AKIP1: variants seen among roughly 807,000 people sequenced by gnomAD.
AKIP1 encodes A-kinase interacting protein 1.
Under a neutral mutation model 22.3 loss-of-function variants are expected in AKIP1, and 18 were observed. That is an observed-to-expected ratio of 0.81 (90% CI 0.56 to 1.19). AKIP1 has a LOEUF of 1.19. Among genes scored for constraint, AKIP1 ranks in the 50% most tolerant of loss-of-function variants. The pLI, the probability that AKIP1 is intolerant of heterozygous loss-of-function variation, is 0.00. For synonymous variants in AKIP1, 120 were observed against 102.7 expected (o/e 1.17, Z -1.02); for missense variants, 287 against 264.6 (o/e 1.08, Z -0.59).
intron 1 of AKIP1, 68 bp from the exon 2 acceptor site, chr11:8,911,376 C>T (rs2064338211): frequency 1.4e-6 from 2 of 1,414,744 alleles, no homozygotes; most frequent in Non-Finnish European, 1.9e-6. Context: ...GGCTCCCACC[C>T]GGATTTGGAG....
At position 8,914,841 on chromosome 11, in the gene AKIP1, G is replaced by C. The variant is rs889524655; in HGVS notation, c.319G>C (p.Val107Leu). ...SSQCGKYYSS[V>L]PEEGGATHVY... The stretch of plus-strand genomic sequence containing the variant: ...ACGTCTCTAGAAATATTATTCATCT[G>C]TGCCAGAGGAAGGAGGGGCAACCCA... Residue 107 changes from valine (V) to leucine (L), a missense_variant, in exon 4 of 6, where the codon GTG becomes CTG. By Grantham distance (32) the Val-to-Leu change is conservative. Transcript: ENST00000309377. 9 of 1,612,682 alleles carry C rather than the reference G, an allele frequency of 5.6e-6. No homozygotes were observed. Among genetic ancestry groups the C allele is most frequent in the Non-Finnish European group, 5.1e-6 (6 of 1,178,946 alleles).
intron 3 of AKIP1, 62 bp from the exon 4 acceptor site, chr11:8,914,764 G>A (rs985194588): frequency 1.5e-6 from 2 of 1,343,850 alleles, no homozygotes; most frequent in African/African-American, 1.4e-5. Context: ...CAAATATCAG[G>A]GTTTTTTGAA....
intron 3 of AKIP1, among the ~76,000 whole-genome samples, chr11:8,914,085 C>G (rs1052961653): frequency 7.2e-5 from 11 of 152,216 alleles, no homozygotes; most frequent in Non-Finnish European, 1.3e-4. Context: ...TAAAACACAT[C>G]TTTAGGTCTG....
At chr11:8,919,298 T>A (rs2064537821) in intron 5 of AKIP1, 39 bp from the exon 6 acceptor site, 1 of 1,593,802 alleles carries the variant, frequency 6.3e-7, no homozygotes. Context: ...CACTGGGGTA[T>A]AAAATCTCTA....
Position 8,915,776 on chromosome 11 carries a change from C to T in AKIP1, c.408+846C>T, listed in dbSNP as rs1253579979. On this transcript the variant is annotated intron_variant, in intron 4 of 5. Coordinates refer to ENST00000309377, the MANE Select transcript of AKIP1 (RefSeq NM_020642.4). Reference sequence around the variant, plus strand: ...TCAGCCTCCCAAGTAGCTGGGACTACGTGCACACACCACCAGCCCAGCTAA... The same window carrying T: ...TCAGCCTCCCAAGTAGCTGGGACTATGTGCACACACCACCAGCCCAGCTAA... 3.3e-5 allele frequency among the ~76,000 whole-genome samples: 5 copies of T among 150,750 alleles called. No individual in the cohort carries two copies. The East Asian group carries it at 5.8e-4, about 18-fold the overall frequency.
chr11:8,913,719 A>C (rs1432592477), intron 3 of AKIP1, among the ~76,000 whole-genome samples: 2 of 152,010 alleles, frequency 1.3e-5, no homozygotes, highest in East Asian at 3.9e-4. Flanking sequence ...ATCTCAAAAA[A>C]CTCTAATCTT....
chr11:8,911,794 C>A (rs2064360516), intron 2 of AKIP1, 123 bp downstream of exon 2: 3 of 986,266 alleles, frequency 3.0e-6, no homozygotes, highest in Non-Finnish European at 4.3e-6. Context: ...TGGAAAGGAT[C>A]AGAACAATGA....
At chr11:8,911,704 C>G in intron 2 of AKIP1, 33 bp downstream of exon 2, 1 of 1,469,010 alleles carries the variant, frequency 6.8e-7, no homozygotes, top group Non-Finnish European at 9.0e-7. Context: ...CCGCCCCAGT[C>G]CTTCGCGCCG....
At position 8,915,358 on chromosome 11, in the gene AKIP1, CTTTTTT is replaced by C. The variant is rs559350653; in HGVS notation, c.408+446_408+451del. On this transcript the variant is annotated intron_variant, in intron 4 of 5. Transcript: ENST00000309377. ...CATCTAGGGATAGGATTTTTTTTTT[CTTTTTT>C]TTTTTTTTTTTTTTTTTGAGACAGG... Among the ~76,000 whole-genome samples the C allele has an allele frequency of 5.5e-4, 46 of 83,980 alleles. 1 individual carries two copies. Among genetic ancestry groups the C allele is most frequent in the African/African-American group, 1.9e-3 (43 of 22,236 alleles). 55.1% of individuals were successfully genotyped at this position (83,980 alleles called of 152,430 possible). A position where few individuals can be genotyped will look rare whatever the true frequency, so the allele number is the denominator to read the frequency against.
chr11:8,919,293 G>A (rs1264630853), intron 5 of AKIP1, 44 bp from the exon 6 acceptor site: 1 of 1,583,652 alleles, frequency 6.3e-7, no homozygotes, highest in African/African-American at 1.4e-5. Context: ...GGTGGCACTG[G>A]GGTATAAAAT....
chr11:8,919,377 C>T lies in AKIP1; in HGVS notation c.530C>T (p.Pro177Leu), dbSNP rs746236246. 37 of 1,613,982 alleles carry T rather than the reference C, an allele frequency of 2.3e-5. No individual in the cohort carries two copies. The highest frequency in any genetic ancestry group is 3.1e-5 in the Non-Finnish European group (37 of 1,179,970). ...AAGGACCTCTACATAGAAGTATATCCAGGGACCTATTCTGTCACTGTGGGC... is the reference window on the plus strand; with the variant it reads ...AAGGACCTCTACATAGAAGTATATCTAGGGACCTATTCTGTCACTGTGGGC... ...ISKDLYIEVYPGTYSVTVGSN... is the reference protein window; with the variant it reads ...ISKDLYIEVYLGTYSVTVGSN... The change falls in exon 6 of 6, where the codon CCA (proline) becomes CTA (leucine). Residue 177 changes from proline to leucine, a missense_variant. Physicochemically the swap from Pro to Leu is moderately conservative, Grantham distance 98 (BLOSUM62 -3). Coordinates refer to ENST00000309377, the MANE Select transcript of AKIP1 (RefSeq NM_020642.4).
chr11:8,911,253 G>A, intron 1 of AKIP1, 30 bp downstream of exon 1: 1 of 590,772 alleles, frequency 1.7e-6, no homozygotes, highest in East Asian at 2.8e-5. Context: ...AGCGGAAGGG[G>A]TAGATGAAAA....
chr11:8,913,212 A>T (rs1289576870), intron 3 of AKIP1, among the ~76,000 whole-genome samples: 1 of 113,094 alleles, frequency 8.8e-6, no homozygotes, highest in Non-Finnish European at 1.8e-5. Flanking sequence ...ACAGAGTCTC[A>T]CTCCATCACC....
chr11:8,915,851 T>A (rs1437699841), intron 4 of AKIP1, among the ~76,000 whole-genome samples: 1 of 140,686 alleles, frequency 7.1e-6, no homozygotes, highest in Non-Finnish European at 1.5e-5. Context: ...GGAGTCACAG[T>A]CTTGCTCTGT....
rs139489790 is a variant in AKIP1, at chr11:8,919,442, G to A, written c.595G>A (p.Asp199Asn). 637 of 1,614,190 alleles carry A rather than the reference G, an allele frequency of 3.9e-4. No individual in the cohort carries two copies. In the African/African-American group the frequency reaches 7.6e-3, roughly 19 times the overall value. ...LTKKTHVVAV[D>N]SGQSVDLVFP... ...CAAGAAGACTCATGTGGTAGCAGTT[G>A]ATTCTGGACAAAGCGTGGACCTGGT... The change falls in exon 6 of 6, where the codon GAT becomes AAT. Residue 199 changes from aspartate (D) to asparagine (N), a missense_variant. Asp to Asn is a conservative substitution (Grantham distance 23). Coordinates refer to ENST00000309377, the MANE Select transcript of AKIP1 (RefSeq NM_020642.4).
chr11:8,915,889 T>C (rs529421955), intron 4 of AKIP1, among the ~76,000 whole-genome samples: 21 of 143,506 alleles, frequency 1.5e-4, no homozygotes, highest in African/African-American at 4.9e-4. Flanking sequence ...AGTGGCACAA[T>C]CTCAGCTCAC....
chr11:8,913,343 A>G (rs1445735866), intron 3 of AKIP1, among the ~76,000 whole-genome samples: 3 of 151,730 alleles, frequency 2.0e-5, no homozygotes, highest in African/African-American at 7.3e-5. Flanking sequence ...ACATGCCACC[A>G]TGCCTGGCTA....
chr11:8,912,402 T>C, intron 2 of AKIP1, 51 bp from the exon 3 acceptor site: 1 of 1,491,818 alleles, frequency 6.7e-7, no homozygotes, highest in Non-Finnish European at 9.4e-7. Flanking sequence ...GGCTTCATTC[T>C]CCAGTAGGGA....
In AKIP1 at chr11:8,914,909, C is replaced by T; in HGVS notation, c.387C>T (p.Cys129=). 1 of 1,613,818 alleles carries T rather than the reference C, an allele frequency of 6.2e-7. No homozygotes were observed. The highest frequency in any genetic ancestry group is 1.1e-5 in the South Asian group (1 of 91,074). Residue 129 remains cysteine, a synonymous_variant, in exon 4 of 6, where the codon TGC becomes TGT. Transcript: ENST00000309377. The part of the protein sequence containing the change: ...YHRGESKLHM[C]LDIGNGQRKD... Reference sequence around the variant, plus strand: ...GAGGCGAGTCGAAGCTGCACATGTGCTTGGACATAGGGAATGGTCAGGTAA... The same window carrying T: ...GAGGCGAGTCGAAGCTGCACATGTGTTTGGACATAGGGAATGGTCAGGTAA...
Sources: gnomAD v4.1 joint callset for allele counts (sites outside exome capture counted in the v4.1 genomes callset) on GRCh38, gnomAD v4.1.1 for gene constraint, MANE v1.5 for transcripts, NCBI Gene and HGNC (gene_info 2026-07-23, HGNC 2026-07-21) for gene names.